LRRC1: variants seen among roughly 807,000 people sequenced by gnomAD.
The protein encoded by LRRC1 is leucine-rich repeat-containing protein 1.
A neutral mutation model predicts 69.9 loss-of-function variants in LRRC1; 28 were observed. That is an observed-to-expected ratio of 0.40 (90% CI 0.30 to 0.55). The LOEUF (loss-of-function observed/expected upper bound fraction) is 0.55. LRRC1 is among the 20% of genes least tolerant of loss of function. The probability of loss-of-function intolerance (pLI) is 0.47; values close to 1 mark genes in which losing one functional copy is unlikely to be tolerated. For missense variants in LRRC1, 498 were observed against 609.0 expected, an observed-to-expected ratio of 0.82 and a Z score of 1.92; for synonymous variants, 236 against 240.2, an observed-to-expected ratio of 0.98 and a Z score of 0.16.
chr6:53,852,449 C>T (rs905640498), intron 2 of LRRC1, among the ~76,000 whole-genome samples: 3 of 152,130 alleles, frequency 2.0e-5, no homozygotes, highest in Non-Finnish European at 4.4e-5. Context: ...AGATACTGTG[C>T]ACCCATATGC....
At chr6:53,843,619 G>A (rs933230943) in intron 2 of LRRC1, among the ~76,000 whole-genome samples, 5 of 152,078 alleles carry the variant, frequency 3.3e-5, no homozygotes, top group African/African-American at 1.2e-4. Flanking sequence ...TTATTTGGTC[G>A]CAGGGAACCC....
At chr6:53,818,063 G>C (rs1765003455) in intron 1 of LRRC1, among the ~76,000 whole-genome samples, 1 of 152,234 alleles carries the variant, frequency 6.6e-6, no homozygotes, top group African/African-American at 2.4e-5. Context: ...ACAATGAAAA[G>C]TGGGTTTTCT....
rs112093946 is a variant in LRRC1, at chr6:53,808,381, CTTGAG to C, written c.159+12973_159+12977del. Among the ~76,000 whole-genome samples the C allele has an allele frequency of 8.3e-3, 1,259 of 152,120 alleles. 11 individuals carry two copies. The highest frequency in any genetic ancestry group is 0.028 in the African/African-American group (1,143 of 41,470). ...ACTGCAGTATAGGAACTGCAAAGTA[CTTGAG>C]TTGAGTCATGGCAGAAGTTTTTATG... On this transcript the variant is annotated intron_variant, in intron 1 of 13. Coordinates refer to ENST00000370888, the MANE Select transcript of LRRC1 (RefSeq NM_018214.5).
rs942539349 is a variant in LRRC1, at chr6:53,862,704, T to C, written c.278-16289T>C. On this transcript the variant is annotated intron_variant, in intron 2 of 13. Transcript: ENST00000370888. ...AGACCCATGCCGCTCAGCCTGTGTA[T>C]GCTCTGGAAAGGCTGCTTGGAATTA... Among the ~76,000 whole-genome samples, 3 of 152,330 alleles carry C rather than the reference T, an allele frequency of 2.0e-5. No individual in the cohort carries two copies. The East Asian group carries it at 5.8e-4, about 29-fold the overall frequency.
At chr6:53,831,460 A>G (rs1007838849) in intron 1 of LRRC1, among the ~76,000 whole-genome samples, 1 of 152,192 alleles carries the variant, frequency 6.6e-6, no homozygotes, top group African/African-American at 2.4e-5. Flanking sequence ...TTTCCAGAAT[A>G]AATATAGCAA....
intron 1 of LRRC1, among the ~76,000 whole-genome samples, chr6:53,827,956 A>G (rs1340161441): frequency 1.3e-5 from 2 of 152,310 alleles, no homozygotes; most frequent in East Asian, 1.9e-4. Context: ...GCTTTGTTCT[A>G]TAACTAGTGG....
At chr6:53,892,435 G>A (rs1225034530) in intron 4 of LRRC1, among the ~76,000 whole-genome samples, 2 of 152,156 alleles carry the variant, frequency 1.3e-5, no homozygotes, top group Non-Finnish European at 2.9e-5. Flanking sequence ...ATAAAGGCCT[G>A]TGGAGGTTGG....
chr6:53,861,014 C>T (rs1307877408), intron 2 of LRRC1, among the ~76,000 whole-genome samples: 4 of 128,802 alleles, frequency 3.1e-5, no homozygotes, highest in African/African-American at 8.1e-5. Flanking sequence ...GAACGACAGA[C>T]ACTGGGGCCG....
intron 1 of LRRC1, among the ~76,000 whole-genome samples, chr6:53,836,420 GCTTACTGCCAAA>G (rs1273744805): frequency 2.0e-5 from 3 of 152,118 alleles, no homozygotes; most frequent in Non-Finnish European, 4.4e-5. Context: ...AAAGTGTTTG[GCTTACTGCCAAA>G]CATATAGTGT....
intron 4 of LRRC1, among the ~76,000 whole-genome samples, chr6:53,886,435 A>C (rs201164388): frequency 4.9e-4 from 74 of 152,344 alleles, no homozygotes; most frequent in African/African-American, 1.6e-3. Context: ...GATGGCAGTT[A>C]TAATGGTGGT....
intron 7 of LRRC1, among the ~76,000 whole-genome samples, chr6:53,899,260 T>G (rs946922255): frequency 5.1e-4 from 77 of 152,194 alleles, no homozygotes; most frequent in African/African-American, 1.8e-3. Flanking sequence ...ATGTTCCGGT[T>G]TTGCTGGGGA....
intron 1 of LRRC1, among the ~76,000 whole-genome samples, chr6:53,829,427 C>A (rs965889075): frequency 6.6e-6 from 1 of 152,172 alleles, no homozygotes; most frequent in East Asian, 1.9e-4. Context: ...ACTTTGAAAA[C>A]CTGTCTAGTA....
chr6:53,795,726 G>A (rs565909188), intron 1 of LRRC1, among the ~76,000 whole-genome samples: 7 of 152,208 alleles, frequency 4.6e-5, no homozygotes, highest in Admixed American at 2.6e-4. Context: ...ACTTGTGCCC[G>A]GTCAGGTGAG....
At chr6:53,809,070 A>C (rs1396279581) in intron 1 of LRRC1, among the ~76,000 whole-genome samples, 1 of 152,212 alleles carries the variant, frequency 6.6e-6, no homozygotes, top group Non-Finnish European at 1.5e-5. Context: ...AAACAGTAGG[A>C]AGCTCTCTGA....
intron 8 of LRRC1, among the ~76,000 whole-genome samples, chr6:53,902,382 T>A (rs1768087894): frequency 6.6e-6 from 1 of 152,206 alleles, no homozygotes; most frequent in Non-Finnish European, 1.5e-5. Context: ...TTTGATGCAA[T>A]GTTTTTATGC....
At chr6:53,816,019 ACT>A (rs1248906508) in intron 1 of LRRC1, among the ~76,000 whole-genome samples, 2 of 152,104 alleles carry the variant, frequency 1.3e-5, no homozygotes, top group Non-Finnish European at 2.9e-5. Flanking sequence ...AAGTGGAATA[ACT>A]CTGCATTCTT....
At chr6:53,898,049 G>A (rs1041262185) in intron 7 of LRRC1, among the ~76,000 whole-genome samples, 2 of 152,082 alleles carry the variant, frequency 1.3e-5, no homozygotes, top group Admixed American at 6.6e-5. Context: ...TTTATTCTTT[G>A]ATGTCTCTCA....
intron 1 of LRRC1, among the ~76,000 whole-genome samples, chr6:53,813,062 G>A (rs924132368): frequency 3.3e-5 from 5 of 152,054 alleles, no homozygotes; most frequent in African/African-American, 4.8e-5. Flanking sequence ...TGAGGATGCC[G>A]ATGAAAAGGT....
intron 1 of LRRC1, among the ~76,000 whole-genome samples, chr6:53,821,678 A>G (rs1185852628): frequency 6.6e-6 from 1 of 152,194 alleles, no homozygotes; most frequent in Non-Finnish European, 1.5e-5. Context: ...TCCTCTTAAT[A>G]CATTTTCTCT....
Sources: allele counts gnomAD v4.1 joint callset (sites outside exome capture counted in the v4.1 genomes callset), GRCh38; gene constraint gnomAD v4.1.1; transcripts MANE v1.5; gene names NCBI Gene and HGNC (gene_info 2026-07-23, HGNC 2026-07-21).